Variants in RAD51B observed in about 807,000 individuals in gnomAD.
RAD51B encodes RAD51 paralog B.
RAD51B carries 38 observed loss-of-function variants against 42.2 expected under a neutral mutation model. The observed-to-expected ratio is 0.90, with a 90% CI of 0.70 to 1.18. RAD51B has a LOEUF of 1.18. Among genes scored for constraint, RAD51B ranks in the 50% most tolerant of loss-of-function variants. The pLI, the probability that RAD51B is intolerant of heterozygous loss-of-function variation, is 0.00. For missense variants in RAD51B, 373 were observed against 400.7 expected (o/e 0.93, Z 0.59); for synonymous variants, 154 against 145.2 (o/e 1.06, Z -0.43).
chr14:68,359,375 A>T (rs1316232481), intron 8 of RAD51B, among the ~76,000 whole-genome samples: 1 of 151,356 alleles, frequency 6.6e-6, no homozygotes, highest in Non-Finnish European at 1.5e-5. Context: ...CAAGTAGGGC[A>T]TTTTTTTGGT....
chr14:68,146,367 T>A (rs536940460), intron 7 of RAD51B, among the ~76,000 whole-genome samples: 1 of 152,116 alleles, frequency 6.6e-6, no homozygotes, highest in African/African-American at 2.4e-5. Context: ...GGAGAATTGC[T>A]CGAACCAAGA....
At chr14:68,093,252 T>C (rs2077134491) in intron 7 of RAD51B, among the ~76,000 whole-genome samples, 1 of 152,234 alleles carries the variant, frequency 6.6e-6, no homozygotes, top group Non-Finnish European at 1.5e-5. Flanking sequence ...TTTCTATTGA[T>C]AGGAATAGTT....
At chr14:68,421,996 AC>A in intron 9 of RAD51B, 2 of 1,516,128 alleles carry the variant, frequency 1.3e-6, no homozygotes, top group African/African-American at 1.4e-5. Context: ...TGGTGACTTC[AC>A]AGTCACCACC....
intron 7 of RAD51B, among the ~76,000 whole-genome samples, chr14:68,285,074 C>T (rs1373791849): frequency 6.6e-6 from 1 of 152,164 alleles, no homozygotes; most frequent in Admixed American, 6.5e-5. Context: ...CAGGTTGGGG[C>T]AGACACCGTC....
intron 10 of RAD51B, among the ~76,000 whole-genome samples, chr14:68,531,546 T>G (rs1887307832): frequency 6.6e-6 from 1 of 152,126 alleles, no homozygotes; most frequent in African/African-American, 2.4e-5. Flanking sequence ...TTCATGAACC[T>G]ATATGCCCCT....
chr14:67,865,315 C>T (rs2042302374), intron 5 of RAD51B, among the ~76,000 whole-genome samples, 176 bp downstream of exon 5: 1 of 150,460 alleles, frequency 6.6e-6, no homozygotes, highest in Non-Finnish European at 1.5e-5. Context: ...GGGCTCATGG[C>T]AATCTCCACC....
Position 67,885,948 on chromosome 14 carries a change from C to A in RAD51B, c.532C>A (p.His178Asn). The change falls in exon 6 of 11, where the codon CAT becomes AAT. Residue 178 changes from histidine to asparagine, a missense_variant. Transcript: ENST00000471583. Reference protein sequence around the residue: ...EKLLLTSSKVHLYRELTCDEV... With the variant: ...EKLLLTSSKVNLYRELTCDEV... Reference sequence around the variant, plus strand: ...GTTACTTTTGACAAGTAGTAAAGTTCATCTTTATCGGGAACTCACCTGTGA... The same window carrying A: ...GTTACTTTTGACAAGTAGTAAAGTTAATCTTTATCGGGAACTCACCTGTGA... 6.2e-7 allele frequency: 1 copy of A among 1,607,404 alleles called. No homozygotes were observed. Among genetic ancestry groups the A allele is most frequent in the African/African-American group, 1.3e-5 (1 of 74,854 alleles).
At chr14:67,939,980 A>T (rs2045105275) in intron 7 of RAD51B, among the ~76,000 whole-genome samples, 1 of 139,604 alleles carries the variant, frequency 7.2e-6, no homozygotes, top group African/African-American at 2.7e-5. Flanking sequence ...TATATATAAA[A>T]AAATAAAAAG....
intron 10 of RAD51B, among the ~76,000 whole-genome samples, chr14:68,551,698 T>C (rs1888581248): frequency 6.6e-6 from 1 of 152,248 alleles, no homozygotes; most frequent in African/African-American, 2.4e-5. Flanking sequence ...ACACAGTAGA[T>C]GCTTATTTTA....
chr14:68,016,079 C>G (rs2075773091), intron 7 of RAD51B, among the ~76,000 whole-genome samples: 1 of 152,172 alleles, frequency 6.6e-6, no homozygotes, highest in Admixed American at 6.5e-5. Flanking sequence ...CACAGTCACT[C>G]AACACAGTAC....
chr14:68,670,181 C>T (rs528000061), intron 11 of RAD51B, among the ~76,000 whole-genome samples: 39 of 152,258 alleles, frequency 2.6e-4, no homozygotes, highest in South Asian at 8.3e-4. Context: ...TTCCTTGTGA[C>T]GGGAAGTTTG....
At chr14:68,062,187 G>A (rs1463929477) in intron 7 of RAD51B, among the ~76,000 whole-genome samples, 1 of 152,110 alleles carries the variant, frequency 6.6e-6, no homozygotes, top group Non-Finnish European at 1.5e-5. Flanking sequence ...TTGATATGAG[G>A]TGTCATGTTT....
chr14:68,169,411 T>C (rs1466714872), intron 7 of RAD51B, among the ~76,000 whole-genome samples: 6 of 152,208 alleles, frequency 3.9e-5, no homozygotes, highest in African/African-American at 1.4e-4. Flanking sequence ...TATAACCTTC[T>C]TAGTCTATTA....
intron 10 of RAD51B, among the ~76,000 whole-genome samples, chr14:68,486,925 C>T (rs1040246489): frequency 3.3e-5 from 5 of 152,286 alleles, no homozygotes; most frequent in African/African-American, 9.6e-5. Flanking sequence ...CCTGATGGTG[C>T]GGTCACACCA....
intron 7 of RAD51B, among the ~76,000 whole-genome samples, chr14:68,220,995 G>A (rs1485227229): frequency 5.9e-5 from 9 of 152,186 alleles, no homozygotes; most frequent in Admixed American, 3.9e-4. Flanking sequence ...GCTGGGCATG[G>A]TGGCGCACAC....
At chr14:68,602,553 A>ATGATAGGT (rs1222480181) in intron 10 of RAD51B, among the ~76,000 whole-genome samples, 3 of 150,680 alleles carry the variant, frequency 2.0e-5, no homozygotes, top group African/African-American at 7.4e-5. Context: ...TAGATAATAC[A>ATGATAGGT]TGATAGGTTG....
intron 7 of RAD51B, among the ~76,000 whole-genome samples, chr14:67,915,153 T>C (rs1042347968): frequency 1.3e-5 from 2 of 152,164 alleles, no homozygotes; most frequent in African/African-American, 4.8e-5. Flanking sequence ...ATGATGGGAT[T>C]ATTTGTATTC....
intron 7 of RAD51B, among the ~76,000 whole-genome samples, chr14:68,280,608 G>T (rs1037790265): frequency 6.6e-6 from 1 of 152,198 alleles, no homozygotes; most frequent in African/African-American, 2.4e-5. Flanking sequence ...CTTAGTGAAC[G>T]TGAGTTTCCT....
At chr14:68,373,694 G>T (rs1306340397) in intron 8 of RAD51B, among the ~76,000 whole-genome samples, 2 of 152,176 alleles carry the variant, frequency 1.3e-5, no homozygotes, top group African/African-American at 4.8e-5. Context: ...TAGATGATGG[G>T]TTGATGGGTG....
Sources: gnomAD v4.1 joint callset for allele counts (sites outside exome capture counted in the v4.1 genomes callset) on GRCh38, gnomAD v4.1.1 for gene constraint, MANE v1.5 for transcripts, NCBI Gene and HGNC (gene_info 2026-07-23, HGNC 2026-07-21) for gene names.